ANKRD17: variants seen among roughly 807,000 people sequenced by gnomAD.
ANKRD17 encodes the protein ankyrin repeat domain 17, also known as ankyrin repeat domain-containing protein 17.
In ANKRD17, 19 loss-of-function variants were observed where a neutral mutation model predicts 229.7. The observed-to-expected ratio is 0.08, with a 90% CI of 0.06 to 0.12. The LOEUF (loss-of-function observed/expected upper bound fraction) is 0.12, where lower values mean the gene tolerates loss of function less well. ANKRD17 is among the 10% of genes least tolerant of loss of function. The probability of loss-of-function intolerance (pLI) is 1.00; values close to 1 mark genes in which losing one functional copy is unlikely to be tolerated. For missense variants in ANKRD17, 2,176 were observed against 3,176.8 expected (o/e 0.68, Z 7.57); for synonymous variants, 1,112 against 1,146.1 (o/e 0.97, Z 0.60).
chr4:73,150,091 T>A (rs1028420734), intron 7 of ANKRD17, among the ~76,000 whole-genome samples: 1 of 152,060 alleles, frequency 6.6e-6, no homozygotes, highest in Non-Finnish European at 1.5e-5. Flanking sequence ...GGCTTACTAC[T>A]TTTTTTTCTA....
At chr4:73,250,597 A>AAAAAAAAAC (rs1744914938) in intron 1 of ANKRD17, among the ~76,000 whole-genome samples, 1 of 145,446 alleles carries the variant, frequency 6.9e-6, no homozygotes, top group Non-Finnish European at 1.5e-5. Flanking sequence ...CTCAAAAAAA[A>AAAAAAAAAC]AAAAAAAAAA....
At chr4:73,104,622 C>G (rs1204493072) in intron 24 of ANKRD17, among the ~76,000 whole-genome samples, 2 of 152,056 alleles carry the variant, frequency 1.3e-5, no homozygotes, top group Non-Finnish European at 2.9e-5. Flanking sequence ...GAAAGGAATG[C>G]TTTGGGGGAG....
intron 1 of ANKRD17, among the ~76,000 whole-genome samples, chr4:73,231,643 A>G (rs1743057521): frequency 6.6e-6 from 1 of 152,200 alleles, no homozygotes; most frequent in Admixed American, 6.5e-5. Flanking sequence ...TAGAATCTTC[A>G]AAGTGGTTAT....
chr4:73,119,228 T>C (rs1726394829), intron 21 of ANKRD17, among the ~76,000 whole-genome samples: 1 of 152,230 alleles, frequency 6.6e-6, no homozygotes, highest in African/African-American at 2.4e-5. Context: ...GTAACAAAAA[T>C]CAACTATCAA....
intron 1 of ANKRD17, among the ~76,000 whole-genome samples, chr4:73,203,822 AAATATAACC>A (rs1445552622): frequency 1.3e-5 from 2 of 151,976 alleles, no homozygotes; most frequent in Non-Finnish European, 2.9e-5. Flanking sequence ...TTGGATAGAA[AAATATAACC>A]TTACAAATCC....
In ANKRD17 at chr4:73,140,228, C is replaced by T; in HGVS notation, c.2388G>A (p.Gln796=). The T allele has an allele frequency of 6.2e-7, 1 of 1,607,772 alleles. No individual in the cohort carries two copies. The highest frequency in any genetic ancestry group is 8.5e-7 in the Non-Finnish European group (1 of 1,178,538). ...SHLPANSQDV[Q]GYITNQSPES... The stretch of plus-strand genomic sequence containing the variant: ...CTGGAGACTGATTGGTGATGTAACC[C>T]TGTACATCCTGGCTGTTTGCTGGCA... Residue 796 remains glutamine (Q), a synonymous_variant, in exon 15 of 34, where the codon CAG becomes CAA. Coordinates refer to ENST00000358602, the MANE Select transcript of ANKRD17 (RefSeq NM_032217.5).
At chr4:73,101,526 A>G (rs1191917692) in intron 25 of ANKRD17, among the ~76,000 whole-genome samples, 3 of 151,888 alleles carry the variant, frequency 2.0e-5, no homozygotes, top group African/African-American at 7.3e-5. Flanking sequence ...TTAGGGGGAC[A>G]TGGTGGCACG....
chr4:73,200,218 T>C (rs1471641534), intron 1 of ANKRD17, among the ~76,000 whole-genome samples: 5 of 152,190 alleles, frequency 3.3e-5, no homozygotes, highest in African/African-American at 7.2e-5. Context: ...CTTTACTCTC[T>C]TGGAGAGTTT....
At chr4:73,161,403 A>G in intron 2 of ANKRD17, 55 bp from the exon 3 acceptor site, 1 of 1,574,040 alleles carries the variant, frequency 6.4e-7, no homozygotes, top group Non-Finnish European at 8.7e-7. Flanking sequence ...AAACAAAGCA[A>G]AATTCAAGTT....
intron 16 of ANKRD17, among the ~76,000 whole-genome samples, chr4:73,125,550 T>C (rs1310540810): frequency 3.3e-5 from 5 of 151,902 alleles, no homozygotes; most frequent in East Asian, 3.9e-4. Flanking sequence ...CTGGCCAACA[T>C]GGTGAAACCC....
chr4:73,108,940 G>A lies in ANKRD17; in HGVS notation c.4401+4852C>T, dbSNP rs374997985. The stretch of plus-strand genomic sequence containing the variant: ...TAGGAGAAAGAAAAGGAATTGCTAC[G>A]GACAGTGCTGTTGAGAAGGAGAAAC... On this transcript the variant is annotated intron_variant, in intron 24 of 33. Transcript: ENST00000358602. Among the ~76,000 whole-genome samples, 18 of 152,292 alleles carry A rather than the reference G, an allele frequency of 1.2e-4. No individual in the cohort carries two copies. In the South Asian group the frequency reaches 3.1e-3, roughly 26 times the overall value.
intron 2 of ANKRD17, among the ~76,000 whole-genome samples, chr4:73,175,339 T>C (rs1734589991): frequency 6.6e-6 from 1 of 152,140 alleles, no homozygotes; most frequent in Non-Finnish European, 1.5e-5. Context: ...TGGGGGAAAC[T>C]GTCCCCATGA....
chr4:73,099,220 C>T (rs538554756), intron 25 of ANKRD17: 181 of 589,514 alleles, frequency 3.1e-4, no homozygotes, highest in African/African-American at 2.9e-3. Flanking sequence ...CCGCTCCCAC[C>T]GCCCCCGCCC....
chr4:73,122,635 TCTTA>T (rs1726897151), intron 18 of ANKRD17, among the ~76,000 whole-genome samples: 1 of 152,122 alleles, frequency 6.6e-6, no homozygotes, highest in South Asian at 2.1e-4. Flanking sequence ...TTACCCCTGC[TCTTA>T]CTATTAATAA....
chr4:73,088,071 T>C (rs1254390866), intron 29 of ANKRD17, among the ~76,000 whole-genome samples: 1 of 152,190 alleles, frequency 6.6e-6, no homozygotes, highest in Non-Finnish European at 1.5e-5. Context: ...AAATACCAAG[T>C]ATTTACTATG....
chr4:73,187,711 T>G (rs1472977054), intron 1 of ANKRD17, among the ~76,000 whole-genome samples: 1 of 152,226 alleles, frequency 6.6e-6, no homozygotes, highest in Non-Finnish European at 1.5e-5. Context: ...TTGCTTTGTT[T>G]GTGTGTTTTG....
intron 1 of ANKRD17, among the ~76,000 whole-genome samples, chr4:73,234,239 T>C (rs1743314422): frequency 6.6e-6 from 1 of 152,210 alleles, no homozygotes; most frequent in Non-Finnish European, 1.5e-5. Context: ...CATGCTGAAA[T>C]TTTATCTCTT....
chr4:73,127,760 G>A (rs1235848238), intron 16 of ANKRD17, among the ~76,000 whole-genome samples: 1 of 152,126 alleles, frequency 6.6e-6, no homozygotes, highest in Non-Finnish European at 1.5e-5. Context: ...TATATATGTA[G>A]CATTGATTAC....
chr4:73,164,584 A>G (rs1453670835), intron 2 of ANKRD17, among the ~76,000 whole-genome samples: 5 of 152,146 alleles, frequency 3.3e-5, no homozygotes, highest in African/African-American at 1.2e-4. Context: ...TGAGCTCAGG[A>G]GTTGGAGATC....
Sources: allele counts gnomAD v4.1 joint callset (sites outside exome capture counted in the v4.1 genomes callset), GRCh38; gene constraint gnomAD v4.1.1; transcripts MANE v1.5; gene names NCBI Gene and HGNC (gene_info 2026-07-23, HGNC 2026-07-21).